The following SLC38A7 variants were observed in gnomAD, a reference collection of about 807,000 sequenced individuals.
SLC38A7 encodes sodium-coupled neutral amino acid transporter 7.
Under a neutral mutation model 50.1 loss-of-function variants are expected in SLC38A7, and 29 were observed. The observed-to-expected ratio is 0.58, with a 90% CI of 0.43 to 0.79. The LOEUF (loss-of-function observed/expected upper bound fraction) is 0.79. Ranked by LOEUF, SLC38A7 falls within the 30% of genes least tolerant of loss-of-function variation. SLC38A7 has a pLI of 0.00. For missense variants in SLC38A7, 483 were observed against 610.6 expected (o/e 0.79, Z 2.20); for synonymous variants, 244 against 245.9 (o/e 0.99, Z 0.07).
At chr16:58,669,661 T>A (rs1354813703) in intron 11 of SLC38A7, among the ~76,000 whole-genome samples, 1 of 146,880 alleles carries the variant, frequency 6.8e-6, no homozygotes, top group African/African-American at 2.5e-5. Flanking sequence ...ACCGAATTTT[T>A]AAAAGTATTA....
chr16:58,678,904 G>A lies in SLC38A7; in HGVS notation c.271-10C>T, dbSNP rs376264078. 2.1e-5 allele frequency: 34 copies of A among 1,610,736 alleles called. 1 individual carries two copies. Among genetic ancestry groups the A allele is most frequent in the Non-Finnish European group, 2.7e-5 (32 of 1,179,924 alleles). ...TGAAAACCAGCATACCCTGCAGGCA[G>A]AGGCAGAACAAGAGCTTGTGGCAAA... On this transcript the variant is annotated splice_polypyrimidine_tract_variant and intron_variant, in intron 3 of 11. Transcript: ENST00000219320. The surrounding 1 kb of genome is among the most constrained non-coding windows in gnomAD (Gnocchi z 4.0).
rs2044047334 is a variant in SLC38A7, at chr16:58,666,954, C to A, written c.*431G>T. On this transcript the variant is annotated 3_prime_UTR_variant, in exon 12 of 12. Transcript: ENST00000219320. ...AGTGGCCAGGCTCCTGAGGAAGCTA[C>A]CACTGGCCTGGGGTAATGAGCACAA... The A allele has an allele frequency of 5.2e-6, 1 of 191,180 alleles. No individual in the cohort carries two copies. The highest frequency in any genetic ancestry group is 1.3e-4 in the East Asian group (1 of 7,902). 11.8% of individuals were successfully genotyped at this position (191,180 alleles called of 1,614,324 possible).
At chr16:58,674,307 C>T (rs1193420158) in intron 8 of SLC38A7, among the ~76,000 whole-genome samples, 1 of 152,142 alleles carries the variant, frequency 6.6e-6, no homozygotes, top group Non-Finnish European at 1.5e-5. Flanking sequence ...GACAGGGTCT[C>T]ACTCTGTTGC....
rs780184200 is a variant in SLC38A7 at position 58,678,766 on chromosome 16, C to T, written c.399G>A (p.Val133=). 4 of 1,614,188 alleles carry T rather than the reference C, an allele frequency of 2.5e-6. No homozygotes were observed. The Admixed American group carries it at 5.0e-5, about 20-fold the overall frequency. The change falls in exon 4 of 12, where the codon GTG becomes GTA. Residue 133 remains valine, a synonymous_variant. Transcript: ENST00000219320. The surrounding 1 kb of genome is among the most constrained non-coding windows in gnomAD (Gnocchi z 4.0). ...CGKLTGVLCE[V]AIAVYTFGTC... ...TGCCAAAGGTGTAGACAGCGATGGCCACCTCACATAGCACACCTGTCAGCT... is the reference window on the plus strand; with the variant it reads ...TGCCAAAGGTGTAGACAGCGATGGCTACCTCACATAGCACACCTGTCAGCT...
At chr16:58,668,564 T>C (rs1236762901) in intron 11 of SLC38A7, among the ~76,000 whole-genome samples, 1 of 147,692 alleles carries the variant, frequency 6.8e-6, no homozygotes. Context: ...CCCAAAAAAT[T>C]AGCTGGGTGT....
intron 5 of SLC38A7, 64 bp from the exon 6 acceptor site, chr16:58,677,488 G>A (rs1049689552): frequency 2.8e-6 from 4 of 1,418,600 alleles, no homozygotes; most frequent in African/African-American, 2.8e-5. Context: ...TCCACCCCTA[G>A]GGACATCCAC....
intron 11 of SLC38A7, among the ~76,000 whole-genome samples, chr16:58,668,613 G>A (rs2044091527): frequency 6.8e-6 from 1 of 147,808 alleles, no homozygotes; most frequent in African/African-American, 2.5e-5. Context: ...TCAGGAGGCT[G>A]AGGCAGGAGA....
Position 58,680,185 on chromosome 16 carries a change from C to T in SLC38A7, c.-59G>A, listed in dbSNP as rs1335538519. On this transcript the variant is annotated 5_prime_UTR_variant, in exon 3 of 12. Transcript: ENST00000219320. ...GGTTCTGCCTTACAACCACATGCCT[C>T]AGGGAGCTGAGCAACACCCACCTGT... The T allele has an allele frequency of 6.7e-7, 1 of 1,486,632 alleles. No homozygotes were observed. Among genetic ancestry groups the T allele is most frequent in the Non-Finnish European group, 8.9e-7 (1 of 1,119,246 alleles). 92.1% of individuals were successfully genotyped at this position (1,486,632 alleles called of 1,614,324 possible).
chr16:58,680,047 T>C lies in SLC38A7; in HGVS notation c.80A>G (p.Gln27Arg). The change falls in exon 3 of 12, where the codon CAG (glutamine) becomes CGG (arginine). Residue 27 changes from glutamine to arginine, a missense_variant. Coordinates refer to ENST00000219320, the MANE Select transcript of SLC38A7 (RefSeq NM_018231.3). Reference protein sequence around the residue: ...TDAGERARLLQSPCVDTAPKS... With the variant: ...TDAGERARLLRSPCVDTAPKS... ...GGGGGCTGTGTCCACACAGGGACTC[T>C]GCAGCAGCCGAGCCCGCTCCCCGGC... 6.3e-7 allele frequency: 1 copy of C among 1,597,034 alleles called. No individual in the cohort carries two copies. Among genetic ancestry groups the C allele is most frequent in the East Asian group, 2.2e-5 (1 of 44,664 alleles).
intron 8 of SLC38A7, 118 bp from the exon 9 acceptor site, chr16:58,672,361 C>A (rs1597667146): frequency 1.8e-6 from 2 of 1,135,486 alleles, no homozygotes; most frequent in South Asian, 3.3e-5. Flanking sequence ...GACACTTAGA[C>A]GGAGGCTCAG....
chr16:58,679,777 C>T (rs778971666), intron 3 of SLC38A7, 80 bp downstream of exon 3: 29 of 1,579,372 alleles, frequency 1.8e-5, no homozygotes, highest in Non-Finnish European at 2.3e-5. Flanking sequence ...ACTTACTGGC[C>T]ATCCCTGACC....
At chr16:58,676,163 G>T in intron 7 of SLC38A7, 109 bp from the exon 8 acceptor site, 1 of 1,539,108 alleles carries the variant, frequency 6.5e-7, no homozygotes, top group Non-Finnish European at 9.0e-7. Context: ...AAGTCCTGAG[G>T]CCCCTGTTCC....
Position 58,678,962 on chromosome 16 carries a change from T to C in SLC38A7, c.271-68A>G. On this transcript the variant is annotated intron_variant, in intron 3 of 11. Transcript: ENST00000219320. The surrounding 1 kb of genome is among the most constrained non-coding windows in gnomAD (Gnocchi z 4.0). Reference sequence around the variant, plus strand: ...CAGCAGAGGGCACCCTGGGCTCGCCTAGCATTTACTGGGCCAGTGCCCAAA... The same window carrying C: ...CAGCAGAGGGCACCCTGGGCTCGCCCAGCATTTACTGGGCCAGTGCCCAAA... 2 of 1,497,344 alleles carry C rather than the reference T, an allele frequency of 1.3e-6. No individual in the cohort carries two copies. The highest frequency in any genetic ancestry group is 9.1e-7 in the Non-Finnish European group (1 of 1,096,378). The allele number at this position is 1,497,344 out of a possible 1,614,324, so 92.8% of individuals were successfully genotyped here. A position where few individuals can be genotyped will look rare whatever the true frequency, so the allele number is the denominator to read the frequency against.
At chr16:58,670,904 A>G in intron 10 of SLC38A7, 141 bp downstream of exon 10, 1 of 851,478 alleles carries the variant, frequency 1.2e-6, no homozygotes, top group Non-Finnish European at 1.9e-6. Context: ...GATAGGGGCT[A>G]GTACAGAGGC....
At chr16:58,669,201 C>T (rs1322391689) in intron 11 of SLC38A7, among the ~76,000 whole-genome samples, 2 of 141,258 alleles carry the variant, frequency 1.4e-5, no homozygotes, top group Non-Finnish European at 3.0e-5. Context: ...CTGCAACCTC[C>T]GCCTCCTGGG....
At chr16:58,674,830 G>T (rs2152077779) in intron 8 of SLC38A7, among the ~76,000 whole-genome samples, 1 of 152,110 alleles carries the variant, frequency 6.6e-6, no homozygotes, top group South Asian at 2.1e-4. Context: ...AGAACTCAGG[G>T]GATCCTTCTT....
At chr16:58,681,077 T>G (rs1012943999) in intron 2 of SLC38A7, among the ~76,000 whole-genome samples, 2 of 152,204 alleles carry the variant, frequency 1.3e-5, no homozygotes, top group African/African-American at 4.8e-5. Context: ...TAGATTACAA[T>G]GATCAGTGCC....
At chr16:58,673,238 ATTT>A (rs35439184) in intron 8 of SLC38A7, among the ~76,000 whole-genome samples, 3 of 137,698 alleles carry the variant, frequency 2.2e-5, no homozygotes, top group African/African-American at 2.7e-5. Context: ...CACCTGGCTA[ATTT>A]TTTTTTTTTT....
rs2280398 is a variant in SLC38A7, at chr16:58,678,226, C to T, written c.611+107G>A. ...GTCTGCCCTGCCTTGCCTACTCTTGCTCCCCAAGGTGAGGTGGCATGGAGG... is the reference window on the plus strand; with the variant it reads ...GTCTGCCCTGCCTTGCCTACTCTTGTTCCCCAAGGTGAGGTGGCATGGAGG... On this transcript the variant is annotated intron_variant, in intron 5 of 11. Transcript: ENST00000219320. The surrounding 1 kb of genome is among the most constrained non-coding windows in gnomAD (Gnocchi z 4.0). The T allele has an allele frequency of 0.13, 171,436 of 1,347,054 alleles. 13,394 individuals are homozygous for T. The highest frequency in any genetic ancestry group is 0.41 in the East Asian group (16,808 of 40,712). 83.4% of individuals were successfully genotyped at this position (1,347,054 alleles called of 1,614,324 possible).
Sources: allele counts gnomAD v4.1 joint callset (sites outside exome capture counted in the v4.1 genomes callset), GRCh38; gene constraint gnomAD v4.1.1; non-coding constraint Gnocchi (gnomAD v3.1); transcripts MANE v1.5; gene names NCBI Gene and HGNC (gene_info 2026-07-23, HGNC 2026-07-21).